Variants in IMPG1 observed in about 807,000 individuals in gnomAD.
IMPG1 encodes interphotoreceptor matrix proteoglycan of 150 kDa.
Under a neutral mutation model 92.0 loss-of-function variants are expected in IMPG1, and 85 were observed. That is an observed-to-expected ratio of 0.92 (90% CI 0.78 to 1.11). IMPG1 has a LOEUF of 1.11. Among genes scored for constraint, IMPG1 ranks in the 50% least tolerant of loss-of-function variants. The pLI, the probability that IMPG1 is intolerant of heterozygous loss-of-function variation, is 0.00. For missense variants in IMPG1, 1,022 were observed against 956.0 expected, an observed-to-expected ratio of 1.07 and a Z score of -0.91; for synonymous variants, 367 against 334.1, an observed-to-expected ratio of 1.10 and a Z score of -1.08.
At chr6:75,969,274 T>C (rs932992457) in intron 12 of IMPG1, among the ~76,000 whole-genome samples, 8 of 152,114 alleles carry the variant, frequency 5.3e-5, no homozygotes, top group Non-Finnish European at 1.0e-4. Context: ...ACGTATTGTA[T>C]TTTAAAAATT....
intron 12 of IMPG1, among the ~76,000 whole-genome samples, chr6:75,963,812 A>G (rs759765105): frequency 1.2e-4 from 19 of 152,176 alleles, no homozygotes; most frequent in Non-Finnish European, 2.2e-4. Context: ...TCACTGACAA[A>G]GAGTTTTACT....
chr6:76,011,585 ATTTAT>A (rs1471969704), intron 7 of IMPG1, among the ~76,000 whole-genome samples: 1 of 151,926 alleles, frequency 6.6e-6, no homozygotes, highest in East Asian at 1.9e-4. Context: ...TATTTTATTT[ATTTAT>A]TTTTTTAATT....
At chr6:75,998,301 A>G (rs1274557640) in intron 12 of IMPG1, among the ~76,000 whole-genome samples, 1 of 152,250 alleles carries the variant, frequency 6.6e-6, no homozygotes, top group Non-Finnish European at 1.5e-5. Context: ...TTAATATAGC[A>G]TCTGGCTGGA....
chr6:76,024,527 T>C (rs1270629847), intron 5 of IMPG1, among the ~76,000 whole-genome samples: 2 of 152,166 alleles, frequency 1.3e-5, no homozygotes. Flanking sequence ...ATATTCAATA[T>C]TGATAAGTGC....
chr6:75,973,847 A>G (rs2149466466), intron 12 of IMPG1, among the ~76,000 whole-genome samples: 1 of 152,366 alleles, frequency 6.6e-6, no homozygotes, highest in South Asian at 2.1e-4. Flanking sequence ...GAGGCATAAA[A>G]GGGAGACCTA....
At chr6:76,047,249 G>C (rs540748125) in intron 1 of IMPG1, among the ~76,000 whole-genome samples, 1 of 152,218 alleles carries the variant, frequency 6.6e-6, no homozygotes, top group South Asian at 2.1e-4. Context: ...TCTTTCATAT[G>C]GGAGGGCCCT....
rs752752050 is a variant in IMPG1 at position 75,923,717 on chromosome 6, A to C, written c.2244-11T>G. ...GAGTGATCTGGCAACCTACAAAAGA[A>C]AGCAAAAACATAGTATCTTGTTTCT... On this transcript the variant is annotated splice_polypyrimidine_tract_variant and intron_variant, in intron 15 of 16. Coordinates refer to ENST00000369950, the MANE Select transcript of IMPG1 (RefSeq NM_001563.4). 1 of 1,541,558 alleles carries C rather than the reference A, an allele frequency of 6.5e-7. No individual in the cohort carries two copies. Among genetic ancestry groups the C allele is most frequent in the Admixed American group, 1.7e-5 (1 of 58,496 alleles).
At chr6:76,018,625 G>T in intron 7 of IMPG1, 93 bp downstream of exon 7, 1 of 1,159,492 alleles carries the variant, frequency 8.6e-7, no homozygotes, top group Non-Finnish European at 1.2e-6. Flanking sequence ...GCCAGGAGAA[G>T]CTGGAACTGT....
chr6:76,046,846 C>G (rs1173933969), intron 1 of IMPG1, among the ~76,000 whole-genome samples: 1 of 152,176 alleles, frequency 6.6e-6, no homozygotes, highest in African/African-American at 2.4e-5. Context: ...CTCTTCCTTT[C>G]CTTACCCCCC....
intron 12 of IMPG1, among the ~76,000 whole-genome samples, chr6:75,991,053 G>T (rs1391407730): frequency 6.6e-6 from 1 of 152,134 alleles, no homozygotes; most frequent in Non-Finnish European, 1.5e-5. Flanking sequence ...TTTGTCTGTG[G>T]TTGGTTATTC....
At chr6:75,951,241 A>G in intron 12 of IMPG1, 147 bp from the exon 13 acceptor site, 1 of 645,192 alleles carries the variant, frequency 1.5e-6, no homozygotes, top group Non-Finnish European at 2.6e-6. Context: ...TTTTTTAAAG[A>G]AGAGAAATTG....
chr6:75,981,433 T>C (rs559614356), intron 12 of IMPG1, among the ~76,000 whole-genome samples: 5 of 152,340 alleles, frequency 3.3e-5, no homozygotes, highest in Non-Finnish European at 5.9e-5. Flanking sequence ...GAGTGTCATT[T>C]GGGAAAAATA....
Position 75,921,808 on chromosome 6 carries a change from C to A in IMPG1, c.*281G>T, listed in dbSNP as rs1320819835. On this transcript the variant is annotated 3_prime_UTR_variant, in exon 17 of 17. Coordinates refer to ENST00000369950, the MANE Select transcript of IMPG1 (RefSeq NM_001563.4). ...AATTTTCAGGGAAGGTGGAAGCAAA[C>A]CTGGCTTATGATCATTTTGACTATC... is the stretch of plus-strand genomic sequence containing the variant. The A allele has an allele frequency of 4.1e-6, 1 of 245,832 alleles. No individual in the cohort carries two copies. Among genetic ancestry groups the A allele is most frequent in the Admixed American group, 5.8e-5 (1 of 17,124 alleles). The allele number at this position is 245,832 out of a possible 1,614,324, so 15.2% of individuals were successfully genotyped here.
chr6:75,939,525 T>C (rs186500045), intron 14 of IMPG1, among the ~76,000 whole-genome samples: 73 of 152,346 alleles, frequency 4.8e-4, no homozygotes, highest in Non-Finnish European at 7.9e-4. Context: ...ACAAAGGACA[T>C]GAAATCATCC....
chr6:75,945,968 G>T lies in IMPG1; in HGVS notation c.2044+1346C>A, dbSNP rs1781921408. ...TAAGTAAGCTGTCAGCTCCCTGAGG[G>T]AGGAAGGAAGACAGGGGATTGTGCT... On this transcript the variant is annotated intron_variant, in intron 14 of 16. Coordinates refer to ENST00000369950, the MANE Select transcript of IMPG1 (RefSeq NM_001563.4). Among the ~76,000 whole-genome samples, 5 of 152,326 alleles carry T rather than the reference G, an allele frequency of 3.3e-5. No homozygotes were observed. The South Asian group carries it at 1.0e-3, about 32-fold the overall frequency.
At chr6:76,013,834 C>A (rs1476832982) in intron 7 of IMPG1, among the ~76,000 whole-genome samples, 1 of 152,236 alleles carries the variant, frequency 6.6e-6, no homozygotes, top group Admixed American at 6.5e-5. Flanking sequence ...AGGACTAGAG[C>A]AGTGATACAC....
At chr6:76,071,984 A>G (rs1784409457) in intron 1 of IMPG1, among the ~76,000 whole-genome samples, 1 of 152,084 alleles carries the variant, frequency 6.6e-6, no homozygotes, top group African/African-American at 2.4e-5. Flanking sequence ...AGGGAAAGCA[A>G]CTCATGATTT....
In IMPG1 at chr6:76,042,242, T is replaced by C. The variant is rs1054541901; in HGVS notation, c.68-116A>G. The C allele has an allele frequency of 1.4e-5, 9 of 658,910 alleles. No individual in the cohort carries two copies. The African/African-American group carries it at 1.6e-4, about 12-fold the overall frequency. 40.8% of individuals were successfully genotyped at this position (658,910 alleles called of 1,614,324 possible). A position where few individuals can be genotyped will look rare whatever the true frequency, so the allele number is the denominator to read the frequency against. On this transcript the variant is annotated intron_variant, in intron 1 of 16. Coordinates refer to ENST00000369950, the MANE Select transcript of IMPG1 (RefSeq NM_001563.4). ...TTATAATCCTTTAGTTTATGAAATT[T>C]CTACCGTGGTGCAACTGCTAAACGT...
intron 12 of IMPG1, among the ~76,000 whole-genome samples, chr6:75,967,187 A>G (rs1782322052): frequency 6.6e-6 from 1 of 152,126 alleles, no homozygotes. Context: ...TAAAAAAAAA[A>G]TGGAATTTAG....
Sources: gnomAD v4.1 joint callset for allele counts (sites outside exome capture counted in the v4.1 genomes callset) on GRCh38, gnomAD v4.1.1 for gene constraint, MANE v1.5 for transcripts, NCBI Gene and HGNC (gene_info 2026-07-23, HGNC 2026-07-21) for gene names.